SLC23A2: variants seen among roughly 807,000 people sequenced by gnomAD.
SLC23A2 encodes the protein solute carrier family 23 member 2.
A neutral mutation model predicts 73.3 loss-of-function variants in SLC23A2; 36 were observed. That is an observed-to-expected ratio of 0.49 (90% confidence interval 0.38 to 0.65). The LOEUF (loss-of-function observed/expected upper bound fraction) is 0.65. SLC23A2 is among the 30% of genes least tolerant of loss of function. The pLI is 0.00. For synonymous variants in SLC23A2, 343 were observed against 327.3 expected (o/e 1.05, Z -0.52); for missense variants, 507 against 841.6 (o/e 0.60, Z 4.92).
intron 13 of SLC23A2, among the ~76,000 whole-genome samples, chr20:4,864,869 T>C (rs116038340): frequency 0.025 from 3,854 of 152,276 alleles, 172 homozygotes; most frequent in African/African-American, 0.088. Context: ...GGCAGGCCTG[T>C]TAGGTATGAA....
chr20:4,934,156 T>C (rs561427741), intron 2 of SLC23A2, among the ~76,000 whole-genome samples: 5 of 152,350 alleles, frequency 3.3e-5, no homozygotes, highest in African/African-American at 7.2e-5. Context: ...TGCATATTCA[T>C]GCACATTTGC....
Position 4,885,746 on chromosome 20 carries a change from G to A in SLC23A2, c.571+75C>T, listed in dbSNP as rs1160494172. On this transcript the variant is annotated intron_variant, in intron 7 of 16. Coordinates refer to ENST00000338244, the MANE Select transcript of SLC23A2 (RefSeq NM_005116.6). ...CTTGAAAGGATTTAGCGCTGCTGAGGGCAGCACGTCCAGGCCTCCCTTTAC... is the reference window on the plus strand; with the variant it reads ...CTTGAAAGGATTTAGCGCTGCTGAGAGCAGCACGTCCAGGCCTCCCTTTAC... The A allele has an allele frequency of 4.9e-6, 5 of 1,022,158 alleles. No individual in the cohort carries two copies. In the South Asian group the frequency reaches 5.1e-5, roughly 10 times the overall value. The allele number at this position is 1,022,158 out of a possible 1,614,324, so 63.3% of individuals were successfully genotyped here.
rs757660747 is a variant in SLC23A2, at chr20:4,857,182, G to A, written c.1743C>T (p.Ile581=). The change falls in exon 17 of 17, where the codon ATC becomes ATT. Residue 581 remains isoleucine (I), a synonymous_variant. Transcript: ENST00000338244. This position sits in a 1 kb window ranked among gnomAD's most constrained non-coding sequence, Gnocchi z 4.0. ...TGCCCACACCCTTCTTCCATTTCCG[G>A]ATTCCTCTTTCCTCTGGAGTGCCTG... The part of the protein sequence containing the change: ...TIPGTPEERG[I]RKWKKGVGKG... 20 of 1,607,426 alleles carry A rather than the reference G, an allele frequency of 1.2e-5. No individual in the cohort carries two copies. The highest frequency in any genetic ancestry group is 1.2e-4 in the Admixed American group (7 of 59,588).
At chr20:4,871,617 G>C (rs148598151) in intron 11 of SLC23A2, among the ~76,000 whole-genome samples, 1 of 152,154 alleles carries the variant, frequency 6.6e-6, no homozygotes, top group South Asian at 2.1e-4. Context: ...CCTGGAGTGC[G>C]GTTAAGGGCA....
chr20:4,908,050 A>G (rs1481674715), intron 4 of SLC23A2, among the ~76,000 whole-genome samples: 2 of 152,162 alleles, frequency 1.3e-5, no homozygotes, highest in East Asian at 3.8e-4. Flanking sequence ...GCTAAGAGGA[A>G]AAAAAAGATT....
chr20:4,943,904 T>C (rs1390299622), intron 2 of SLC23A2, among the ~76,000 whole-genome samples: 1 of 152,064 alleles, frequency 6.6e-6, no homozygotes, highest in Non-Finnish European at 1.5e-5. Context: ...AGACATTTCG[T>C]TAAAGCAGCC....
chr20:4,899,956 C>T lies in SLC23A2; in HGVS notation c.325-244G>A, dbSNP rs1261569083. Among the ~76,000 whole-genome samples the T allele has an allele frequency of 6.6e-6, 1 of 152,204 alleles. No individual in the cohort carries two copies. Among genetic ancestry groups the T allele is most frequent in the African/African-American group, 2.4e-5 (1 of 41,442 alleles). ...TGCGATCTTGGCTCACTGTGACCTC[C>T]ACCTCCCAGGCTCAAGCAATTCTCC... On this transcript the variant is annotated intron_variant, in intron 5 of 16. Coordinates refer to ENST00000338244, the MANE Select transcript of SLC23A2 (RefSeq NM_005116.6). This position sits in a 1 kb window ranked among gnomAD's most constrained non-coding sequence, Gnocchi z 4.9.
At chr20:4,921,969 C>T (rs138435520) in intron 3 of SLC23A2, among the ~76,000 whole-genome samples, 1 of 152,164 alleles carries the variant, frequency 6.6e-6, no homozygotes, top group Non-Finnish European at 1.5e-5. Context: ...GGGAATGTGA[C>T]AACTGAGTGA....
intron 9 of SLC23A2, among the ~76,000 whole-genome samples, chr20:4,881,996 G>A (rs6116566): frequency 0.041 from 6,263 of 151,806 alleles, 429 homozygotes; most frequent in African/African-American, 0.14. Flanking sequence ...ATTACATTTC[G>A]CTGAAAGACT....
intron 2 of SLC23A2, among the ~76,000 whole-genome samples, chr20:4,943,526 T>G (rs1014150772): frequency 3.3e-5 from 5 of 150,022 alleles, no homozygotes; most frequent in African/African-American, 9.8e-5. Flanking sequence ...AACAGAAAAA[T>G]TAGCCAGGCA....
intron 6 of SLC23A2, among the ~76,000 whole-genome samples, chr20:4,888,329 CAAAGCCTAGGCTATTT>C: frequency 6.6e-6 from 1 of 152,318 alleles, no homozygotes; most frequent in East Asian, 1.9e-4. Context: ...CAGAGACACG[CAAAGCCTAGGCTATTT>C]ACTGTTGGCC....
intron 5 of SLC23A2, among the ~76,000 whole-genome samples, chr20:4,901,955 C>T (rs887413453): frequency 1.3e-5 from 2 of 151,940 alleles, no homozygotes; most frequent in African/African-American, 4.8e-5. Flanking sequence ...TTTCTTTTCC[C>T]TGGTAATCCA....
intron 9 of SLC23A2, among the ~76,000 whole-genome samples, chr20:4,879,473 T>C (rs1395215100): frequency 7.0e-6 from 1 of 142,424 alleles, no homozygotes; most frequent in Non-Finnish European, 1.5e-5. Flanking sequence ...AACAAGGATG[T>C]AGGTTGAATT....
intron 1 of SLC23A2, among the ~76,000 whole-genome samples, chr20:4,994,743 A>C (rs1426489757): frequency 6.6e-6 from 1 of 151,996 alleles, no homozygotes; most frequent in Admixed American, 6.6e-5. Flanking sequence ...CCTGGGCGAC[A>C]GAGCAAGATT....
In SLC23A2 at chr20:4,857,277, A is replaced by AACAC. The variant is rs1170187164; in HGVS notation, c.1721-77_1721-74dup. 17 of 590,054 alleles carry AACAC rather than the reference A, an allele frequency of 2.9e-5. No individual in the cohort carries two copies. The highest frequency in any genetic ancestry group is 1.2e-4 in the Admixed American group (4 of 33,558). The allele number at this position is 590,054 out of a possible 1,614,324, so 36.6% of individuals were successfully genotyped here. On this transcript the variant is annotated intron_variant, in intron 16 of 16. Transcript: ENST00000338244. This position sits in a 1 kb window ranked among gnomAD's most constrained non-coding sequence, Gnocchi z 4.0. ...TCTACTGAAAATGAAACTGTCGTCA[A>AACAC]ACACATACACACACACACACACACA... is the stretch of plus-strand genomic sequence containing the variant.
intron 9 of SLC23A2, among the ~76,000 whole-genome samples, chr20:4,880,190 C>T (rs1930827256): frequency 6.6e-6 from 1 of 152,238 alleles, no homozygotes; most frequent in Non-Finnish European, 1.5e-5. Flanking sequence ...GGGAGTTTCC[C>T]TCCTTTCACA....
At position 4,867,878 on chromosome 20, in the gene SLC23A2, A is replaced by G. The variant is rs57560879; in HGVS notation, c.1251-3T>C. On this transcript the variant is annotated splice_polypyrimidine_tract_variant and splice_region_variant and intron_variant, in intron 12 of 16. Transcript: ENST00000338244. ...AGAGGCCTTCCACGAAAATTCCCCT[A>G]AGATGTAAAGGAATGGAGGAAAGAA... is the stretch of plus-strand genomic sequence containing the variant. The G allele has an allele frequency of 0.013, 20,207 of 1,531,532 alleles. 2,150 individuals carry two copies. In the African/African-American group the frequency reaches 0.23, roughly 18 times the overall value. 94.9% of individuals were successfully genotyped at this position (1,531,532 alleles called of 1,614,324 possible). A position where few individuals can be genotyped will look rare whatever the true frequency, so the allele number is the denominator to read the frequency against.
chr20:4,875,544 C>A (rs953178486), intron 9 of SLC23A2, among the ~76,000 whole-genome samples: 2 of 152,158 alleles, frequency 1.3e-5, no homozygotes, highest in African/African-American at 2.4e-5. Context: ...GGCTGGGCTG[C>A]GTAAGTCCCT....
intron 1 of SLC23A2, among the ~76,000 whole-genome samples, chr20:4,976,415 C>A (rs564533541): frequency 6.6e-6 from 1 of 152,090 alleles, no homozygotes; most frequent in Non-Finnish European, 1.5e-5. Flanking sequence ...GTGGCTAACG[C>A]CTGTAATCCC....
Sources: gnomAD v4.1 joint callset for allele counts (sites outside exome capture counted in the v4.1 genomes callset) on GRCh38, gnomAD v4.1.1 for gene constraint, Gnocchi (gnomAD v3.1) non-coding constraint, MANE v1.5 for transcripts, NCBI Gene and HGNC (gene_info 2026-07-23, HGNC 2026-07-21) for gene names.